Variants in CA13 observed in about 807,000 individuals in gnomAD.
CA13 encodes the protein CA-XIII.
In CA13, 21 loss-of-function variants were observed where a neutral mutation model predicts 31.5. The ratio of observed to expected loss-of-function variants is 0.67; its 90% CI spans 0.47 to 0.96. The LOEUF (loss-of-function observed/expected upper bound fraction) is 0.96, where lower values mean the gene tolerates loss of function less well. CA13 is among the 40% of genes least tolerant of loss of function. The pLI, the probability that CA13 is intolerant of heterozygous loss-of-function variation, is 0.00. For missense variants in CA13, 315 were observed against 318.9 expected (o/e 0.99, Z 0.09); for synonymous variants, 117 against 111.4 (o/e 1.05, Z -0.32).
rs758152556 is a variant in CA13, at chr8:85,250,713, C to T, written c.38-27C>T. On this transcript the variant is annotated intron_variant, in intron 1 of 6. Coordinates refer to ENST00000321764, the MANE Select transcript of CA13 (RefSeq NM_198584.3). ...GTTGAAAGAAAGAACTTATTTAATCCTTTTCTTTTGGTCCTATATATTTAA... is the reference window on the plus strand; with the variant it reads ...GTTGAAAGAAAGAACTTATTTAATCTTTTTCTTTTGGTCCTATATATTTAA... 9.7e-6 allele frequency: 14 copies of T among 1,441,374 alleles called. No homozygotes were observed. The East Asian group carries it at 3.0e-4, about 30-fold the overall frequency. 89.3% of individuals were successfully genotyped at this position (1,441,374 alleles called of 1,614,324 possible).
chr8:85,262,862 T>C (rs1314919758), intron 3 of CA13, among the ~76,000 whole-genome samples: 1 of 152,008 alleles, frequency 6.6e-6, no homozygotes, highest in East Asian at 1.9e-4. Context: ...GCAGGATCCA[T>C]GTTTCTAGGT....
chr8:85,267,736 G>T (rs1430885501), intron 4 of CA13, among the ~76,000 whole-genome samples, 166 bp from the exon 5 acceptor site: 1 of 152,200 alleles, frequency 6.6e-6, no homozygotes, highest in Non-Finnish European at 1.5e-5. Context: ...CTTCTGGCAT[G>T]ATAAGGCTGG....
chr8:85,270,438 A>G (rs1284844324), intron 6 of CA13, among the ~76,000 whole-genome samples: 2 of 152,250 alleles, frequency 1.3e-5, no homozygotes, highest in African/African-American at 2.4e-5. Context: ...ACAAAGGTCT[A>G]TGTAGAAATC....
chr8:85,270,346 T>C (rs1807512904), intron 6 of CA13, among the ~76,000 whole-genome samples: 1 of 152,176 alleles, frequency 6.6e-6, no homozygotes, highest in South Asian at 2.1e-4. Context: ...TCCTTCCTTC[T>C]GTTGGGTGTT....
chr8:85,256,686 A>G (rs920805917), intron 2 of CA13, among the ~76,000 whole-genome samples: 4 of 152,234 alleles, frequency 2.6e-5, no homozygotes, highest in African/African-American at 7.2e-5. Context: ...CAATGTGACA[A>G]TTATATAAAG....
chr8:85,263,825 G>A (rs1807419612), intron 3 of CA13, among the ~76,000 whole-genome samples: 1 of 152,064 alleles, frequency 6.6e-6, no homozygotes, highest in African/African-American at 2.4e-5. Flanking sequence ...TGGAGATGGG[G>A]GCATTTGGGA....
intron 2 of CA13, 86 bp downstream of exon 2, chr8:85,251,023 G>A (rs1813818804): frequency 3.1e-6 from 3 of 977,448 alleles, no homozygotes; most frequent in African/African-American, 1.9e-5. Context: ...TTTTTTTTGA[G>A]ACAGAGTCTC....
intron 6 of CA13, 37 bp downstream of exon 6, chr8:85,268,664 A>C (rs775615393): frequency 1.1e-5 from 17 of 1,496,864 alleles, no homozygotes; most frequent in Admixed American, 8.7e-5. Context: ...TGATTCCCTC[A>C]GAGGAAACTG....
chr8:85,264,078 T>A (rs1807423565), intron 3 of CA13, among the ~76,000 whole-genome samples: 1 of 152,208 alleles, frequency 6.6e-6, no homozygotes, highest in Non-Finnish European at 1.5e-5. Context: ...ATTAAAGTGA[T>A]CTAAATCAAG....
At chr8:85,260,036 A>G (rs1406122531) in intron 3 of CA13, among the ~76,000 whole-genome samples, 1 of 152,164 alleles carries the variant, frequency 6.6e-6, no homozygotes, top group Non-Finnish European at 1.5e-5. Context: ...CTGAGGAAAA[A>G]AAAAAAGACA....
intron 6 of CA13, among the ~76,000 whole-genome samples, chr8:85,273,786 T>C (rs1159980995): frequency 6.6e-6 from 1 of 151,990 alleles, no homozygotes; most frequent in Non-Finnish European, 1.5e-5. Flanking sequence ...GGCTCTTGTA[T>C]TGGTTCGAAC....
At chr8:85,272,677 A>C (rs2129996473) in intron 6 of CA13, among the ~76,000 whole-genome samples, 1 of 152,352 alleles carries the variant, frequency 6.6e-6, no homozygotes, top group Admixed American at 6.5e-5. Context: ...CATTATGAAT[A>C]ATAGCAATCC....
At chr8:85,265,664 C>T (rs897569508) in intron 3 of CA13, among the ~76,000 whole-genome samples, 3 of 151,992 alleles carry the variant, frequency 2.0e-5, no homozygotes, top group Admixed American at 6.5e-5. Context: ...ATTCATAGAA[C>T]GTGGTAAATG....
chr8:85,266,628 T>C lies in CA13; in HGVS notation c.375T>C (p.Asn125=), dbSNP rs1309482306. 3.7e-6 allele frequency: 6 copies of C among 1,613,870 alleles called. No homozygotes were observed. The highest frequency in any genetic ancestry group is 4.2e-6 in the Non-Finnish European group (5 of 1,179,898). The stretch of plus-strand genomic sequence containing the variant: ...TTCAGCTCCATGTTGTTCACTGGAA[T>C]TCAGACAAATACCCCAGCTTTGTTG... ...YAAELHVVHW[N]SDKYPSFVEA... is the part of the protein sequence containing the mutation. Residue 125 remains asparagine (N), a synonymous_variant, in exon 4 of 7, where the codon AAT becomes AAC. Coordinates refer to ENST00000321764, the MANE Select transcript of CA13 (RefSeq NM_198584.3).
At chr8:85,253,932 A>G (rs1807237909) in intron 2 of CA13, among the ~76,000 whole-genome samples, 1 of 152,200 alleles carries the variant, frequency 6.6e-6, no homozygotes, top group Non-Finnish European at 1.5e-5. Context: ...ACTGTTTACA[A>G]TATGTCAAAC....
At chr8:85,272,278 C>T (rs897499932) in intron 6 of CA13, among the ~76,000 whole-genome samples, 1 of 151,904 alleles carries the variant, frequency 6.6e-6, no homozygotes, top group African/African-American at 2.4e-5. Context: ...TTTCCTGAGA[C>T]AGAGTCTGGC....
intron 1 of CA13, among the ~76,000 whole-genome samples, chr8:85,250,386 T>A (rs1813805330): frequency 6.6e-6 from 1 of 152,236 alleles, no homozygotes; most frequent in African/African-American, 2.4e-5. Context: ...AATAGCTCAT[T>A]TTTGGAGCTG....
chr8:85,251,947 A>C (rs868338398), intron 2 of CA13, among the ~76,000 whole-genome samples: 1 of 152,184 alleles, frequency 6.6e-6, no homozygotes, highest in Non-Finnish European at 1.5e-5. Context: ...TCCAGATTAA[A>C]ATATATCTTG....
intron 6 of CA13, among the ~76,000 whole-genome samples, chr8:85,275,929 A>G (rs189237645): frequency 2.8e-3 from 434 of 152,372 alleles, no homozygotes; most frequent in African/African-American, 9.7e-3. Flanking sequence ...GCTCGCTCTC[A>G]GCGCCTCCTC....
Sources: gnomAD v4.1 joint callset for allele counts (sites outside exome capture counted in the v4.1 genomes callset) on GRCh38, gnomAD v4.1.1 for gene constraint, MANE v1.5 for transcripts, NCBI Gene and HGNC (gene_info 2026-07-23, HGNC 2026-07-21) for gene names.